The following CSMD1 variants were observed in gnomAD, a reference collection of about 807,000 sequenced individuals.
The protein encoded by CSMD1 is CUB and Sushi multiple domains 1, also known as CUB and sushi domain-containing protein 1.
Under a neutral mutation model 417.5 loss-of-function variants are expected in CSMD1, and 213 were observed. The ratio of observed to expected loss-of-function variants is 0.51; its 90% confidence interval spans 0.46 to 0.57. CSMD1 has a LOEUF of 0.57. Ranked by LOEUF, CSMD1 falls within the 20% of genes least tolerant of loss-of-function variation. CSMD1 has a pLI of 0.00. For synonymous variants in CSMD1, 2,862 were observed against 1,736.8 expected, an observed-to-expected ratio of 1.65 and a Z score of -16.11; for missense variants, 6,923 against 4,529.7, an observed-to-expected ratio of 1.53 and a Z score of -15.17.
chr8:4,509,211 A>G (rs1802692552), intron 2 of CSMD1, among the ~76,000 whole-genome samples: 1 of 152,152 alleles, frequency 6.6e-6, no homozygotes, highest in Non-Finnish European at 1.5e-5. Flanking sequence ...ATAAATTTGC[A>G]AGATGAAGTT....
At chr8:3,965,323 T>C (rs971663760) in intron 5 of CSMD1, among the ~76,000 whole-genome samples, 1 of 152,182 alleles carries the variant, frequency 6.6e-6, no homozygotes, top group Non-Finnish European at 1.5e-5. Flanking sequence ...ACCATGAAGA[T>C]AATGTTCTTT....
At chr8:3,525,902 G>A (rs1797733466) in intron 10 of CSMD1, among the ~76,000 whole-genome samples, 2 of 152,084 alleles carry the variant, frequency 1.3e-5, no homozygotes, top group African/African-American at 4.8e-5. Flanking sequence ...ACAGCCAACT[G>A]GGCACCTACC....
chr8:3,777,689 C>A (rs950699348), intron 5 of CSMD1, among the ~76,000 whole-genome samples: 1 of 152,226 alleles, frequency 6.6e-6, no homozygotes, highest in African/African-American at 2.4e-5. Flanking sequence ...AGGACCCACG[C>A]CAGACCTGCG....
intron 8 of CSMD1, among the ~76,000 whole-genome samples, chr8:3,599,834 C>A (rs1801276869): frequency 6.6e-6 from 1 of 152,212 alleles, no homozygotes; most frequent in African/African-American, 2.4e-5. Context: ...CTGGGAGCAA[C>A]AGATCTGACA....
chr8:3,492,035 G>C (rs1328224016), intron 11 of CSMD1, among the ~76,000 whole-genome samples: 1 of 152,156 alleles, frequency 6.6e-6, no homozygotes, highest in Non-Finnish European at 1.5e-5. Flanking sequence ...GAAGGGATGA[G>C]GAAAAGGATT....
Position 4,737,934 on chromosome 8 carries a change from G to C in CSMD1, c.86-100376C>G, listed in dbSNP as rs150972852. Among the ~76,000 whole-genome samples the C allele has an allele frequency of 1.3e-3, 194 of 152,290 alleles. 1 individual carries two copies. The highest frequency in any genetic ancestry group is 1.9e-3 in the Non-Finnish European group (129 of 68,016). On this transcript the variant is annotated intron_variant, in intron 1 of 69. Coordinates refer to ENST00000635120, the MANE Select transcript of CSMD1 (RefSeq NM_033225.6). The stretch of plus-strand genomic sequence containing the variant: ...ATTTGTTTGAAGGAAAGGCGAGAAA[G>C]TAAATTATGAAATGTTAATTTTCAG...
intron 1 of CSMD1, among the ~76,000 whole-genome samples, chr8:4,870,923 A>T (rs762486907): frequency 1.3e-5 from 2 of 152,132 alleles, no homozygotes; most frequent in Admixed American, 6.5e-5. Flanking sequence ...CAGGTATCAC[A>T]CACTGCAGGG....
intron 46 of CSMD1, among the ~76,000 whole-genome samples, chr8:3,097,396 A>G (rs948001328): frequency 6.6e-6 from 1 of 152,160 alleles, no homozygotes; most frequent in Non-Finnish European, 1.5e-5. Flanking sequence ...ACAGAAATAC[A>G]GTGAAATGTT....
At chr8:4,470,263 T>C (rs1403642049) in intron 2 of CSMD1, among the ~76,000 whole-genome samples, 2 of 152,188 alleles carry the variant, frequency 1.3e-5, no homozygotes, top group East Asian at 3.9e-4. Flanking sequence ...CAGGGGCTCC[T>C]CCTCTATCCC....
chr8:4,100,614 C>A (rs1030742460), intron 3 of CSMD1, among the ~76,000 whole-genome samples: 10 of 151,970 alleles, frequency 6.6e-5, no homozygotes, highest in African/African-American at 2.4e-4. Context: ...ATACAGTTTC[C>A]ACCGTGATAA....
rs141686782 is a variant in CSMD1 at position 3,351,208 on chromosome 8, C to T, written c.3305-3047G>A. Among the ~76,000 whole-genome samples, 388 of 152,266 alleles carry T rather than the reference C, an allele frequency of 2.5e-3. 1 individual carries two copies. Among genetic ancestry groups the T allele is most frequent in the Non-Finnish European group, 4.7e-3 (323 of 68,024 alleles). Reference sequence around the variant, plus strand: ...AATGTGAATATACATGACCAAAACACTTAAATGTACAAAGGTAGGATTTCA... The same window carrying T: ...AATGTGAATATACATGACCAAAACATTTAAATGTACAAAGGTAGGATTTCA... On this transcript the variant is annotated intron_variant, in intron 21 of 69. Coordinates refer to ENST00000635120, the MANE Select transcript of CSMD1 (RefSeq NM_033225.6).
intron 1 of CSMD1, among the ~76,000 whole-genome samples, chr8:4,728,097 T>C (rs1057313057): frequency 7.5e-4 from 110 of 146,898 alleles, no homozygotes; most frequent in Non-Finnish European, 1.2e-3. Context: ...AATATGTACA[T>C]TTGGTATATT....
chr8:3,183,564 T>C (rs1371200247), intron 36 of CSMD1, among the ~76,000 whole-genome samples: 6 of 130,840 alleles, frequency 4.6e-5, no homozygotes, highest in Non-Finnish European at 3.2e-5. Flanking sequence ...ATCGAGTAGG[T>C]CTCTAACGCC....
chr8:4,512,003 A>G (rs892591768), intron 2 of CSMD1, among the ~76,000 whole-genome samples: 2 of 152,152 alleles, frequency 1.3e-5, no homozygotes, highest in Admixed American at 1.3e-4. Flanking sequence ...AAAACTGCAG[A>G]CCATCGTTTC....
intron 39 of CSMD1, among the ~76,000 whole-genome samples, chr8:3,151,933 T>A (rs1819220273): frequency 6.6e-6 from 1 of 152,204 alleles, no homozygotes; most frequent in African/African-American, 2.4e-5. Context: ...TTAACTCACA[T>A]AGCAACCCTG....
At chr8:3,846,633 T>C (rs1414911427) in intron 5 of CSMD1, among the ~76,000 whole-genome samples, 2 of 152,186 alleles carry the variant, frequency 1.3e-5, no homozygotes, top group East Asian at 1.9e-4. Flanking sequence ...TAACTCACCT[T>C]ATTTCTTTAG....
At chr8:3,817,000 C>T (rs1347909602) in intron 5 of CSMD1, among the ~76,000 whole-genome samples, 1 of 152,040 alleles carries the variant, frequency 6.6e-6, no homozygotes, top group East Asian at 1.9e-4. Flanking sequence ...AACAATGCTT[C>T]TCATTGTGTT....
At chr8:3,407,460 G>C (rs1812423084) in intron 14 of CSMD1, among the ~76,000 whole-genome samples, 1 of 152,016 alleles carries the variant, frequency 6.6e-6, no homozygotes, top group Non-Finnish European at 1.5e-5. Flanking sequence ...AAGATGGATG[G>C]AAGAAAGGAT....
At chr8:2,964,627 T>G (rs1803795606) in intron 59 of CSMD1, among the ~76,000 whole-genome samples, 1 of 152,252 alleles carries the variant, frequency 6.6e-6, no homozygotes, top group Non-Finnish European at 1.5e-5. Flanking sequence ...ATTTCCATCA[T>G]GACCATTTGA....
Sources: gnomAD v4.1 joint callset for allele counts (sites outside exome capture counted in the v4.1 genomes callset) on GRCh38, gnomAD v4.1.1 for gene constraint, MANE v1.5 for transcripts, NCBI Gene and HGNC (gene_info 2026-07-23, HGNC 2026-07-21) for gene names.